The following DMD variants were observed in gnomAD, a reference collection of about 807,000 sequenced individuals.
DMD encodes the protein mutant dystrophin.
Under a neutral mutation model 330.1 loss-of-function variants are expected in DMD, and 63 were observed. The observed-to-expected ratio is 0.19, with a 90% confidence interval of 0.16 to 0.24. DMD has a LOEUF of 0.24. Among genes scored for constraint, DMD ranks in the 10% least tolerant of loss-of-function variants. The probability of loss-of-function intolerance (pLI) is 1.00; values close to 1 mark genes in which losing one functional copy is unlikely to be tolerated. For synonymous variants in DMD, 1,223 were observed against 959.8 expected, an observed-to-expected ratio of 1.27 and a Z score of -5.07; for missense variants, 3,344 against 2,684.1, an observed-to-expected ratio of 1.25 and a Z score of -5.43.
intron 44 of DMD, among the ~76,000 whole-genome samples, chrX:32,088,034 C>T (rs909013792): frequency 1.8e-5 from 2 of 112,132 alleles, no homozygotes; most frequent in African/African-American, 6.5e-5. Context: ...ACTTGACCTT[C>T]GTCTATAATA....
intron 43 of DMD, among the ~76,000 whole-genome samples, chrX:32,258,787 G>A (rs1226722075): frequency 1.8e-5 from 2 of 110,836 alleles, no homozygotes; most frequent in Non-Finnish European, 1.9e-5. Context: ...CGTTCTGCAC[G>A]TGTGTCCCAG....
intron 1 of DMD, among the ~76,000 whole-genome samples, chrX:33,272,806 T>G (rs1362420887): frequency 9.0e-6 from 1 of 111,172 alleles, no homozygotes; most frequent in East Asian, 2.8e-4. Flanking sequence ...TGAGACAAAA[T>G]GAAAGGTAAA....
At chrX:31,906,310 A>T (rs1327620804) in intron 47 of DMD, among the ~76,000 whole-genome samples, 1 of 112,250 alleles carries the variant, frequency 8.9e-6, no homozygotes, top group Non-Finnish European at 1.9e-5. Context: ...AGTCTCAGGT[A>T]TGTCTTTATT....
intron 43 of DMD, among the ~76,000 whole-genome samples, chrX:32,273,449 C>T (rs961082790): frequency 9.1e-6 from 1 of 110,036 alleles, no homozygotes; most frequent in African/African-American, 3.3e-5. Flanking sequence ...AGAAAAATAA[C>T]GCTCTTTTTA....
At chrX:32,880,879 G>C (rs931800607) in intron 2 of DMD, among the ~76,000 whole-genome samples, 1 of 112,753 alleles carries the variant, frequency 8.9e-6, no homozygotes, top group Non-Finnish European at 1.9e-5. Context: ...AGAAGGCGGA[G>C]GTTGCGGTGA....
chrX:31,805,731 A>G (rs1246647956), intron 50 of DMD, among the ~76,000 whole-genome samples: 1 of 112,239 alleles, frequency 8.9e-6, no homozygotes, highest in African/African-American at 3.2e-5. Context: ...TGTCCATTCT[A>G]TGCTAAGTAA....
chrX:32,907,551 T>A lies in DMD; in HGVS notation c.94-57731A>T, dbSNP rs1036319429. On this transcript the variant is annotated intron_variant, in intron 2 of 78. Coordinates refer to ENST00000357033, the MANE Select transcript of DMD (RefSeq NM_004006.3). ...AATTGATCAAAATTTGCTGTAATTT[T>A]CTTCCTTCAAAATCATCAGAATTCT... is the stretch of plus-strand genomic sequence containing the variant. Among the ~76,000 whole-genome samples, 7 of 111,708 alleles carry A rather than the reference T, an allele frequency of 6.3e-5. No homozygotes were observed. In the East Asian group the frequency reaches 2.0e-3, roughly 32 times the overall value.
chrX:33,050,229 T>A (rs757577092), intron 1 of DMD, among the ~76,000 whole-genome samples: 1 of 111,922 alleles, frequency 8.9e-6, no homozygotes, highest in East Asian at 2.8e-4. Context: ...TGCTAATAAA[T>A]AATTTTTTCA....
At chrX:31,613,249 G>A (rs1435802882) in intron 55 of DMD, among the ~76,000 whole-genome samples, 1 of 112,015 alleles carries the variant, frequency 8.9e-6, no homozygotes, top group Non-Finnish European at 1.9e-5. Context: ...AATAGAATAT[G>A]GGAGAAGCAA....
At chrX:31,940,389 C>T (rs1351156003) in intron 45 of DMD, among the ~76,000 whole-genome samples, 1 of 111,424 alleles carries the variant, frequency 9.0e-6, no homozygotes, top group Non-Finnish European at 1.9e-5. Flanking sequence ...TGACTGAGTT[C>T]GAGCCAATGG....
intron 42 of DMD, among the ~76,000 whole-genome samples, chrX:32,299,360 T>C (rs1354784647): frequency 9.0e-6 from 1 of 110,748 alleles, no homozygotes; most frequent in Admixed American, 9.7e-5. Flanking sequence ...CATCTTTTTT[T>C]CCAGGAAAAA....
intron 47 of DMD, among the ~76,000 whole-genome samples, chrX:31,919,690 A>G (rs1343482211): frequency 8.9e-6 from 1 of 112,138 alleles, no homozygotes; most frequent in Non-Finnish European, 1.9e-5. Flanking sequence ...AGCAACAAAC[A>G]ATGAAATGCT....
chrX:31,147,634 G>A, intron 74 of DMD, 116 bp from the exon 75 acceptor site: 1 of 514,718 alleles, frequency 1.9e-6, no homozygotes, highest in Non-Finnish European at 3.2e-6. Flanking sequence ...AGATGCATCT[G>A]ACTGCCACCG....
At chrX:31,518,691 G>A (rs137945467) in intron 55 of DMD, among the ~76,000 whole-genome samples, 1,222 of 110,653 alleles carry the variant, frequency 0.011, 12 homozygotes, top group Non-Finnish European at 0.018. Context: ...ATGAAACAGG[G>A]CAGGAACTAA....
At chrX:31,241,439 C>A (rs777441364) in intron 63 of DMD, among the ~76,000 whole-genome samples, 1 of 111,757 alleles carries the variant, frequency 8.9e-6, no homozygotes, top group South Asian at 3.8e-4. Flanking sequence ...ATATGAGCCA[C>A]CAAAAATAAA....
chrX:33,079,298 C>T (rs2094891197), intron 1 of DMD, among the ~76,000 whole-genome samples: 1 of 111,611 alleles, frequency 9.0e-6, no homozygotes, highest in African/African-American at 3.3e-5. Flanking sequence ...AGGCATGAGC[C>T]ACCATGCCCG....
At chrX:33,030,742 C>G (rs1345144035) in intron 1 of DMD, among the ~76,000 whole-genome samples, 1 of 111,394 alleles carries the variant, frequency 9.0e-6, no homozygotes, top group Non-Finnish European at 1.9e-5. Context: ...CAGCTGCCTA[C>G]TCAATATTAC....
chrX:31,636,785 A>C (rs1045320061), intron 54 of DMD, among the ~76,000 whole-genome samples: 11 of 112,024 alleles, frequency 9.8e-5, no homozygotes, highest in African/African-American at 3.6e-4. Context: ...TCCTTTGCTT[A>C]CCATCTTCAT....
At chrX:32,765,886 T>C (rs1424214547) in intron 7 of DMD, among the ~76,000 whole-genome samples, 1 of 112,101 alleles carries the variant, frequency 8.9e-6, no homozygotes, top group Non-Finnish European at 1.9e-5. Context: ...AATTTTTGTG[T>C]ATTTTATAAG....
Sources: allele counts gnomAD v4.1 joint callset (sites outside exome capture counted in the v4.1 genomes callset), GRCh38; gene constraint gnomAD v4.1.1; transcripts MANE v1.5; gene names NCBI Gene and HGNC (gene_info 2026-07-23, HGNC 2026-07-21).